Variants in GABRG3 observed in about 807,000 individuals in gnomAD.
GABRG3 encodes gamma-aminobutyric acid receptor subunit gamma-3.
A neutral mutation model predicts 48.8 loss-of-function variants in GABRG3; 25 were observed. The ratio of observed to expected loss-of-function variants is 0.51; its 90% CI spans 0.37 to 0.72. GABRG3 has a LOEUF of 0.72. Ranked by LOEUF, GABRG3 falls within the 30% of genes least tolerant of loss-of-function variation. GABRG3 has a pLI of 0.00. For missense variants in GABRG3, 394 were observed against 577.9 expected, an observed-to-expected ratio of 0.68 and a Z score of 3.26; for synonymous variants, 227 against 217.6, an observed-to-expected ratio of 1.04 and a Z score of -0.38.
chr15:27,119,360 T>C (rs536366230), intron 3 of GABRG3, among the ~76,000 whole-genome samples: 3 of 152,268 alleles, frequency 2.0e-5, no homozygotes, highest in Non-Finnish European at 4.4e-5. Context: ...TCTTCTGTTA[T>C]ACGAGTTTCA....
At chr15:27,391,409 G>C (rs1192636125) in intron 5 of GABRG3, among the ~76,000 whole-genome samples, 1 of 152,068 alleles carries the variant, frequency 6.6e-6, no homozygotes, top group Non-Finnish European at 1.5e-5. Flanking sequence ...TGGTAATGTA[G>C]AACTACAAAA....
chr15:27,286,738 G>A (rs1488613827), intron 3 of GABRG3, among the ~76,000 whole-genome samples: 1 of 152,186 alleles, frequency 6.6e-6, no homozygotes, highest in Non-Finnish European at 1.5e-5. Context: ...CTCACATCAA[G>A]TAGTAGAAAT....
intron 3 of GABRG3, among the ~76,000 whole-genome samples, chr15:27,161,673 T>A (rs1315063112): frequency 2.6e-5 from 4 of 152,218 alleles, no homozygotes; most frequent in African/African-American, 9.7e-5. Flanking sequence ...ATATTAGCAT[T>A]CACATTTTGG....
At chr15:27,328,583 G>C (rs1893697405) in intron 4 of GABRG3, among the ~76,000 whole-genome samples, 1 of 152,178 alleles carries the variant, frequency 6.6e-6, no homozygotes, top group South Asian at 2.1e-4. Context: ...TTACTAACTG[G>C]AATTCTCTGT....
intron 5 of GABRG3, among the ~76,000 whole-genome samples, chr15:27,372,106 A>G (rs987863592): frequency 6.6e-6 from 1 of 152,158 alleles, no homozygotes; most frequent in African/African-American, 2.4e-5. Context: ...ATTGCACAAA[A>G]TTATACTTAA....
chr15:27,455,329 G>A (rs1342680239), intron 5 of GABRG3, among the ~76,000 whole-genome samples: 9 of 152,020 alleles, frequency 5.9e-5, no homozygotes, highest in Non-Finnish European at 1.3e-4. Flanking sequence ...GTGCATCTGC[G>A]CATTTGTGTA....
chr15:27,397,401 C>T (rs187833816), intron 5 of GABRG3, among the ~76,000 whole-genome samples: 5 of 152,264 alleles, frequency 3.3e-5, no homozygotes, highest in East Asian at 3.9e-4. Context: ...TCTGATTTGC[C>T]GTGTCCAACT....
At chr15:27,069,568 GT>G (rs1340854892) in intron 3 of GABRG3, among the ~76,000 whole-genome samples, 1 of 152,196 alleles carries the variant, frequency 6.6e-6, no homozygotes, top group Admixed American at 6.5e-5. Context: ...GTCTGAGTGT[GT>G]TTATGTGTAA....
At chr15:27,351,168 T>C (rs1294648418) in intron 5 of GABRG3, among the ~76,000 whole-genome samples, 1 of 148,738 alleles carries the variant, frequency 6.7e-6, no homozygotes, top group Non-Finnish European at 1.5e-5. Context: ...CATGTGCGTA[T>C]GGTGTATTTG....
chr15:27,192,403 T>A (rs1476152562), intron 3 of GABRG3, among the ~76,000 whole-genome samples: 1 of 152,240 alleles, frequency 6.6e-6, no homozygotes, highest in African/African-American at 2.4e-5. Context: ...GTCCCGTATT[T>A]CTTGGAGGCT....
At chr15:27,147,430 A>G (rs1003803430) in intron 3 of GABRG3, among the ~76,000 whole-genome samples, 5 of 152,066 alleles carry the variant, frequency 3.3e-5, no homozygotes, top group Non-Finnish European at 7.4e-5. Flanking sequence ...ACAAGGACAT[A>G]GAATATTTGA....
At chr15:27,499,474 G>A in intron 6 of GABRG3, among the ~76,000 whole-genome samples, 1 of 152,226 alleles carries the variant, frequency 6.6e-6, no homozygotes, top group Non-Finnish European at 1.5e-5. Context: ...CCAGTCTGAG[G>A]ATTAGGCTTG....
chr15:27,040,079 T>C (rs1459891556), intron 3 of GABRG3, among the ~76,000 whole-genome samples: 1 of 152,254 alleles, frequency 6.6e-6, no homozygotes, highest in Non-Finnish European at 1.5e-5. Flanking sequence ...ACCTTGGCAG[T>C]TGGTGGTGCC....
At chr15:27,248,850 C>T (rs1272497964) in intron 3 of GABRG3, among the ~76,000 whole-genome samples, 1 of 135,816 alleles carries the variant, frequency 7.4e-6, no homozygotes, top group Non-Finnish European at 1.6e-5. Context: ...AGAGAAGCTG[C>T]TGTGGCTCTT....
intron 5 of GABRG3, among the ~76,000 whole-genome samples, chr15:27,434,297 A>T (rs1888543109): frequency 6.6e-6 from 1 of 152,198 alleles, no homozygotes; most frequent in African/African-American, 2.4e-5. Flanking sequence ...ATGGATAATC[A>T]TTTTGTCAAA....
Position 27,539,129 on chromosome 15 carries a change from G to C in GABRG3, c.*6248G>C, listed in dbSNP as rs938351697. On this transcript the variant is annotated 3_prime_UTR_variant, in exon 10 of 10. Transcript: ENST00000615808. ...CCTGGAGCTAAGTTGTCATTTTAGG[G>C]ACATGGTGATAATCAGGACTGATGC... 1 of 152,180 alleles carries C rather than the reference G, an allele frequency of 6.6e-6. No homozygotes were observed. The highest frequency in any genetic ancestry group is 1.5e-5 in the Non-Finnish European group (1 of 68,024). The allele number at this position is 152,180 out of a possible 1,614,324, so 9.4% of individuals were successfully genotyped here.
chr15:27,375,693 G>A (rs1317849360), intron 5 of GABRG3, among the ~76,000 whole-genome samples: 1 of 152,146 alleles, frequency 6.6e-6, no homozygotes, highest in Non-Finnish European at 1.5e-5. Flanking sequence ...ATCAGGTCAT[G>A]TGAGACTTAT....
At chr15:27,020,210 A>G (rs1039458754) in intron 2 of GABRG3, among the ~76,000 whole-genome samples, 1 of 152,114 alleles carries the variant, frequency 6.6e-6, no homozygotes, top group Non-Finnish European at 1.5e-5. Flanking sequence ...CTCCATGGGC[A>G]TGTCCCCTCA....
chr15:27,260,785 G>T (rs954887269), intron 3 of GABRG3, among the ~76,000 whole-genome samples: 1 of 152,114 alleles, frequency 6.6e-6, no homozygotes, highest in African/African-American at 2.4e-5. Flanking sequence ...GCCAACATAG[G>T]GGCCTGATGA....
Sources: allele counts gnomAD v4.1 joint callset (sites outside exome capture counted in the v4.1 genomes callset), GRCh38; gene constraint gnomAD v4.1.1; transcripts MANE v1.5; gene names NCBI Gene and HGNC (gene_info 2026-07-23, HGNC 2026-07-21).